The following VXN variants were observed in gnomAD, a reference collection of about 807,000 sequenced individuals.
VXN encodes uncharacterized protein C8orf46.
In VXN, 7 loss-of-function variants were observed where a neutral mutation model predicts 23.1. The ratio of observed to expected loss-of-function variants is 0.30; its 90% CI spans 0.17 to 0.57. The LOEUF (loss-of-function observed/expected upper bound fraction) is 0.57, where lower values mean the gene tolerates loss of function less well. VXN is among the 20% of genes least tolerant of loss of function. The probability of loss-of-function intolerance (pLI) is 0.91; values close to 1 mark genes in which losing one functional copy is unlikely to be tolerated. For synonymous variants in VXN, 120 were observed against 105.8 expected (o/e 1.13, Z -0.83); for missense variants, 238 against 272.6 (o/e 0.87, Z 0.89).
At position 66,516,097 on chromosome 8, in the gene VXN, C is replaced by G. The variant is rs547109778; in HGVS notation, c.*21C>G. The G allele has an allele frequency of 8.9e-6, 14 of 1,573,440 alleles. No individual in the cohort carries two copies. In the Admixed American group the frequency reaches 9.2e-5, roughly 10 times the overall value. ...ACTAAAGGTGACCCTCTTCAAGTGC[C>G]CTGTGTTGGCCAAGGTTCCCCGGAC... On this transcript the variant is annotated 3_prime_UTR_variant, in exon 6 of 6. Transcript: ENST00000305454.
chr8:66,505,753 T>C (rs949110630), intron 3 of VXN, among the ~76,000 whole-genome samples: 1 of 152,248 alleles, frequency 6.6e-6, no homozygotes, highest in Non-Finnish European at 1.5e-5. Context: ...TATAAAACAG[T>C]CACTCCTAGG....
intron 5 of VXN, among the ~76,000 whole-genome samples, chr8:66,515,384 CTT>C (rs1419941865): frequency 6.6e-6 from 1 of 152,222 alleles, no homozygotes; most frequent in Non-Finnish European, 1.5e-5. Flanking sequence ...ATGCTTCACT[CTT>C]TCATTTGCCT....
Position 66,505,401 on chromosome 8 carries a change from G to A in VXN, c.153G>A (p.Thr51=), listed in dbSNP as rs778621355. 11 of 1,579,884 alleles carry A rather than the reference G, an allele frequency of 7.0e-6. No individual in the cohort carries two copies. The highest frequency in any genetic ancestry group is 6.7e-5 in the African/African-American group (5 of 74,516). ...KNVVIESDLY[T]HQPLELLPHR... ...TGGTGATCGAGTCGGACCTGTACACGCACCAGCCCCTGGAGCTGCTGCCCC... is the reference window on the plus strand; with the variant it reads ...TGGTGATCGAGTCGGACCTGTACACACACCAGCCCCTGGAGCTGCTGCCCC... The change falls in exon 3 of 6, where the codon ACG becomes ACA. Residue 51 remains threonine, a synonymous_variant. Coordinates refer to ENST00000305454, the MANE Select transcript of VXN (RefSeq NM_152765.4).
chr8:66,507,228 A>C (rs778110952), intron 3 of VXN, among the ~76,000 whole-genome samples: 33 of 152,300 alleles, frequency 2.2e-4, no homozygotes, highest in Non-Finnish European at 4.1e-4. Flanking sequence ...CAGTCTCTGG[A>C]AAATTGTTGG....
intron 1 of VXN, 111 bp downstream of exon 1, chr8:66,493,829 T>G (rs1034492589): frequency 1.2e-6 from 1 of 835,072 alleles, no homozygotes; most frequent in Non-Finnish European, 2.0e-6. Context: ...TGGGGTCTGA[T>G]GGACTCTCGG....
chr8:66,496,417 C>A lies in VXN; in HGVS notation c.71-20C>A. The A allele has an allele frequency of 6.2e-7, 1 of 1,613,530 alleles. No homozygotes were observed. Among genetic ancestry groups the A allele is most frequent in the African/African-American group, 1.3e-5 (1 of 75,054 alleles). On this transcript the variant is annotated intron_variant, in intron 1 of 5. Transcript: ENST00000305454. The stretch of plus-strand genomic sequence containing the variant: ...TCGCTGATGTTGTCTAAAACCATTT[C>A]TTTCTCTCTGTCTTTGCAGTATCCA...
intron 5 of VXN, among the ~76,000 whole-genome samples, chr8:66,515,557 A>C (rs6995972): frequency 0.082 from 12,451 of 152,218 alleles, 1,232 homozygotes; most frequent in African/African-American, 0.23. Flanking sequence ...TGTTTGGGGA[A>C]CTGTCCTTTC....
chr8:66,513,455 T>TC, intron 4 of VXN, 85 bp from the exon 5 acceptor site: 20 of 1,093,022 alleles, frequency 1.8e-5, no homozygotes, highest in Non-Finnish European at 2.8e-5. Context: ...TTCCATTCAG[T>TC]CCCCCCACTT....
At chr8:66,494,229 G>C (rs1270849862) in intron 1 of VXN, among the ~76,000 whole-genome samples, 1 of 152,180 alleles carries the variant, frequency 6.6e-6, no homozygotes, top group African/African-American at 2.4e-5. Flanking sequence ...AGAACCCAGG[G>C]CCACCTTGCA....
chr8:66,509,837 C>A (rs1336577291), intron 3 of VXN, among the ~76,000 whole-genome samples: 2 of 151,716 alleles, frequency 1.3e-5, no homozygotes, highest in African/African-American at 2.4e-5. Flanking sequence ...TCAACATCCC[C>A]CACCAGAGGG....
chr8:66,517,926 G>A lies in VXN; in HGVS notation c.*1850G>A, dbSNP rs1309889789. ...ATATCTCCAGGTGAATCCATGAGAA[G>A]CGAGAGGGTGGCTGAGAGGCCTGGG... On this transcript the variant is annotated 3_prime_UTR_variant, in exon 6 of 6. Transcript: ENST00000305454. The A allele has an allele frequency of 6.6e-6, 1 of 152,264 alleles. No homozygotes were observed. The highest frequency in any genetic ancestry group is 2.4e-5 in the African/African-American group (1 of 41,462). 9.4% of individuals were successfully genotyped at this position (152,264 alleles called of 1,614,324 possible).
Position 66,502,311 on chromosome 8 carries a change from G to A in VXN, c.127-3064G>A, listed in dbSNP as rs183389264. Among the ~76,000 whole-genome samples the A allele has an allele frequency of 2.0e-3, 303 of 152,290 alleles. 1 individual carries two copies. Among genetic ancestry groups the A allele is most frequent in the Middle Eastern group, 6.8e-3 (2 of 294 alleles). On this transcript the variant is annotated intron_variant, in intron 2 of 5. Transcript: ENST00000305454. ...GTTAAGCCTTCTGGCATGGAGCCACGACAATGAAGATTCGTGGCCCCTTCA... is the reference window on the plus strand; with the variant it reads ...GTTAAGCCTTCTGGCATGGAGCCACAACAATGAAGATTCGTGGCCCCTTCA...
intron 3 of VXN, among the ~76,000 whole-genome samples, chr8:66,506,232 A>AGTGTGT (rs61613088): frequency 0.038 from 5,402 of 140,380 alleles, 176 homozygotes; most frequent in East Asian, 0.12. Flanking sequence ...AGAGAGAGAC[A>AGTGTGT]GTGTGTGTGT....
chr8:66,512,389 C>T (rs118137615), intron 4 of VXN, among the ~76,000 whole-genome samples: 211 of 152,252 alleles, frequency 1.4e-3, no homozygotes, highest in Middle Eastern at 3.4e-3. Flanking sequence ...TGCCCACAGT[C>T]GGCCAGCTTG....
intron 2 of VXN, among the ~76,000 whole-genome samples, chr8:66,500,846 C>A (rs1270490852): frequency 6.6e-6 from 1 of 151,022 alleles, no homozygotes; most frequent in Non-Finnish European, 1.5e-5. Flanking sequence ...TGCATTGCAT[C>A]CATGTTGATG....
At position 66,516,125 on chromosome 8, in the gene VXN, G is replaced by C. The variant is rs761766475; in HGVS notation, c.*49G>C. 10 of 1,504,092 alleles carry C rather than the reference G, an allele frequency of 6.6e-6. No homozygotes were observed. Among genetic ancestry groups the C allele is most frequent in the Non-Finnish European group, 8.9e-6 (10 of 1,129,296 alleles). The allele number at this position is 1,504,092 out of a possible 1,614,324, so 93.2% of individuals were successfully genotyped here. ...GTGTTGGCCAAGGTTCCCCGGACAA[G>C]AGGAAAAACCTTCAGGATTGAAACT... is the stretch of plus-strand genomic sequence containing the variant. On this transcript the variant is annotated 3_prime_UTR_variant, in exon 6 of 6. Coordinates refer to ENST00000305454, the MANE Select transcript of VXN (RefSeq NM_152765.4).
chr8:66,510,841 A>T (rs1173066292), intron 4 of VXN, among the ~76,000 whole-genome samples: 1 of 152,148 alleles, frequency 6.6e-6, no homozygotes, highest in Non-Finnish European at 1.5e-5. Context: ...CTCCACCATC[A>T]TGACCTCATC....
At chr8:66,495,496 G>A (rs1563504639) in intron 1 of VXN, among the ~76,000 whole-genome samples, 1 of 152,330 alleles carries the variant, frequency 6.6e-6, no homozygotes, top group East Asian at 1.9e-4. Context: ...ATCTAGAACA[G>A]TAGCTGGCAT....
chr8:66,503,383 T>A (rs1236505395), intron 2 of VXN: 1 of 152,222 alleles, frequency 6.6e-6, no homozygotes, highest in Non-Finnish European at 1.5e-5. Context: ...TCTTCTTGAC[T>A]GTCTTTCTAA....
Sources: gnomAD v4.1 joint callset for allele counts (sites outside exome capture counted in the v4.1 genomes callset) on GRCh38, gnomAD v4.1.1 for gene constraint, MANE v1.5 for transcripts, NCBI Gene and HGNC (gene_info 2026-07-23, HGNC 2026-07-21) for gene names.